SLC28A2: variants seen among roughly 807,000 people sequenced by gnomAD.
SLC28A2 encodes the protein solute carrier family 28 member 2, also known as sodium/nucleoside cotransporter 2.
Under a neutral mutation model 72.9 loss-of-function variants are expected in SLC28A2, and 69 were observed. The ratio of observed to expected loss-of-function variants is 0.95; its 90% CI spans 0.78 to 1.16. The LOEUF (loss-of-function observed/expected upper bound fraction) is 1.16, where lower values mean the gene tolerates loss of function less well. Among genes scored for constraint, SLC28A2 ranks in the 50% most tolerant of loss-of-function variants. SLC28A2 has a pLI of 0.00. For missense variants in SLC28A2, 745 were observed against 791.1 expected, an observed-to-expected ratio of 0.94 and a Z score of 0.70; for synonymous variants, 296 against 294.1, an observed-to-expected ratio of 1.01 and a Z score of -0.07.
Position 45,267,517 on chromosome 15 carries a change from G to A in SLC28A2, c.1005G>A (p.Ala335=), listed in dbSNP as rs200507671. 140 of 1,614,128 alleles carry A rather than the reference G, an allele frequency of 8.7e-5. 1 individual carries two copies. The highest frequency in any genetic ancestry group is 5.3e-4 in the East Asian group (24 of 44,876). The change falls in exon 11 of 18, where the codon GCG becomes GCA. Residue 335 remains alanine, a synonymous_variant. Coordinates refer to ENST00000347644, the MANE Select transcript of SLC28A2 (RefSeq NM_004212.4). ...LGDMTLSEIH[A]VMTGGFATIS... ...ACATGACACTCTCTGAAATCCATGC[G>A]GTGATGACTGGAGGGTTTGCCACCA...
intron 10 of SLC28A2, among the ~76,000 whole-genome samples, chr15:45,266,652 C>T (rs1249537507): frequency 6.6e-6 from 1 of 152,208 alleles, no homozygotes. Context: ...GACTGATCAG[C>T]TCAATGTTGG....
At position 45,276,297 on chromosome 15, in the gene SLC28A2, A is replaced by T. The variant is rs1900753312; in HGVS notation, c.*784A>T. 1 of 152,004 alleles carries T rather than the reference A, an allele frequency of 6.6e-6. No individual in the cohort carries two copies. Among genetic ancestry groups the T allele is most frequent in the South Asian group, 2.1e-4 (1 of 4,814 alleles). 9.4% of individuals were successfully genotyped at this position (152,004 alleles called of 1,614,324 possible). A position where few individuals can be genotyped will look rare whatever the true frequency, so the allele number is the denominator to read the frequency against. On this transcript the variant is annotated 3_prime_UTR_variant, in exon 18 of 18. Transcript: ENST00000347644. ...TTGAACAATGAGAACACATGGACAC[A>T]GGAAGGGGAACATCACACTCTGGGG... is the stretch of plus-strand genomic sequence containing the variant.
chr15:45,270,676 G>C (rs1218967971), intron 15 of SLC28A2, among the ~76,000 whole-genome samples: 1 of 151,920 alleles, frequency 6.6e-6, no homozygotes, highest in African/African-American at 2.4e-5. Flanking sequence ...TGCGCAGGCT[G>C]GAGTGCAGTG....
intron 3 of SLC28A2, among the ~76,000 whole-genome samples, chr15:45,259,189 A>C (rs1293978068): frequency 6.6e-6 from 1 of 152,182 alleles, no homozygotes; most frequent in Admixed American, 6.5e-5. Flanking sequence ...AAATACAAAC[A>C]AGAGTACATT....
intron 15 of SLC28A2, among the ~76,000 whole-genome samples, chr15:45,271,400 G>A (rs893253411): frequency 3.9e-5 from 6 of 151,982 alleles, no homozygotes; most frequent in Admixed American, 1.3e-4. Context: ...CTGTCTCTAC[G>A]AAGAATTTGA....
intron 13 of SLC28A2, 23 bp from the exon 14 acceptor site, chr15:45,269,315 T>C: frequency 6.2e-7 from 1 of 1,604,410 alleles, no homozygotes. Context: ...TTCCTTTTCC[T>C]GTGATATCTC....
chr15:45,267,708 C>G lies in SLC28A2; in HGVS notation c.1111C>G (p.Pro371Ala), dbSNP rs766175933. 2.5e-6 allele frequency: 4 copies of G among 1,614,064 alleles called. No individual in the cohort carries two copies. In the South Asian group the frequency reaches 4.4e-5, roughly 18 times the overall value. ...GATTTCTGCCTCTGTGATGGCCGCC[C>G]CTTGTGCTCTCGCCTCATCAAAGCT... ...SLISASVMAAPCALASSKLAY... is the reference protein window; with the variant it reads ...SLISASVMAAACALASSKLAY... Residue 371 changes from proline to alanine, a missense_variant, in exon 12 of 18, where the codon CCT becomes GCT. By Grantham distance (27) the Pro-to-Ala change is conservative (BLOSUM62 -1). Coordinates refer to ENST00000347644, the MANE Select transcript of SLC28A2 (RefSeq NM_004212.4).
chr15:45,272,961 G>C (rs112880048), intron 17 of SLC28A2, among the ~76,000 whole-genome samples, 177 bp downstream of exon 17: 2 of 152,110 alleles, frequency 1.3e-5, no homozygotes, highest in Admixed American at 6.5e-5. Context: ...CCAGCGACAG[G>C]GTCTACCTGT....
Position 45,253,450 on chromosome 15 carries a change from G to A in SLC28A2, c.100G>A (p.Glu34Lys). The A allele has an allele frequency of 6.2e-7, 1 of 1,613,898 alleles. No homozygotes were observed. Among genetic ancestry groups the A allele is most frequent in the Non-Finnish European group, 8.5e-7 (1 of 1,179,766 alleles). Residue 34 changes from glutamate to lysine, a missense_variant, in exon 3 of 18, where the codon GAG (glutamate) becomes AAG (lysine). By Grantham distance (56) the Glu-to-Lys change is moderately conservative. Transcript: ENST00000347644. ...LELMEKEVEP[E>K]GSKRTDAQGH... ...CTTGTAGGAAAAAGAAGTAGAGCCT[G>A]AGGGAAGCAAGAGGACTGACGCACA...
At position 45,253,241 on chromosome 15, in the gene SLC28A2, C is replaced by T. The variant is rs775908283; in HGVS notation, c.26C>T (p.Ser9Phe). ...ATGGAGAAAGCAAGTGGAAGACAGT[C>T]CATTGCTCTGTCCACAGTGGAGACT... MEKASGRQ[S>F]IALSTVETGT... The change falls in exon 2 of 18, where the codon TCC (serine) becomes TTC (phenylalanine). Residue 9 changes from serine to phenylalanine, a missense_variant. Ser to Phe is a radical substitution (Grantham distance 155). Transcript: ENST00000347644. 1 of 1,613,340 alleles carries T rather than the reference C, an allele frequency of 6.2e-7. No individual in the cohort carries two copies. Among genetic ancestry groups the T allele is most frequent in the South Asian group, 1.1e-5 (1 of 90,986 alleles).
Position 45,253,537 on chromosome 15 carries a change from A to G in SLC28A2, c.170+17A>G. ...TTACCAGAGGTACTGGTGTTTTGGA[A>G]TCTTGTTCAGTTAGGAAAGGATCTA... is the stretch of plus-strand genomic sequence containing the variant. On this transcript the variant is annotated intron_variant, in intron 3 of 17. Coordinates refer to ENST00000347644, the MANE Select transcript of SLC28A2 (RefSeq NM_004212.4). The G allele has an allele frequency of 6.3e-6, 10 of 1,582,674 alleles. No individual in the cohort carries two copies. Among genetic ancestry groups the G allele is most frequent in the Non-Finnish European group, 8.7e-6 (10 of 1,153,054 alleles).
At chr15:45,253,551 G>C (rs771163390) in intron 3 of SLC28A2, 31 bp downstream of exon 3, 2 of 1,511,090 alleles carry the variant, frequency 1.3e-6, no homozygotes, top group Non-Finnish European at 1.8e-6. Context: ...TGTTCAGTTA[G>C]GAAAGGATCT....
Position 45,275,544 on chromosome 15 carries a change from G to A in SLC28A2, c.*31G>A. On this transcript the variant is annotated 3_prime_UTR_variant, in exon 18 of 18. Coordinates refer to ENST00000347644, the MANE Select transcript of SLC28A2 (RefSeq NM_004212.4). ...CTTGATCTATTTCTATAACAGTTTTGATCTTAAAAGCTTTGTGATTGCAAA... is the reference window on the plus strand; with the variant it reads ...CTTGATCTATTTCTATAACAGTTTTAATCTTAAAAGCTTTGTGATTGCAAA... The A allele has an allele frequency of 7.2e-7, 1 of 1,394,120 alleles. No individual in the cohort carries two copies. The highest frequency in any genetic ancestry group is 1.0e-6 in the Non-Finnish European group (1 of 984,562). The allele number at this position is 1,394,120 out of a possible 1,614,324, so 86.4% of individuals were successfully genotyped here.
At chr15:45,272,164 T>A (rs1900592775) in intron 15 of SLC28A2, 131 bp from the exon 16 acceptor site, 1 of 671,244 alleles carries the variant, frequency 1.5e-6, no homozygotes. Flanking sequence ...CAGTCTCAGG[T>A]GGATGGTAAT....
intron 3 of SLC28A2, among the ~76,000 whole-genome samples, chr15:45,257,404 G>A (rs4533219): frequency 0.47 from 71,993 of 151,978 alleles, 20,723 homozygotes; most frequent in Non-Finnish European, 0.67. Flanking sequence ...ATACATTGAG[G>A]GCAAGATCAA....
chr15:45,262,111 G>T lies in SLC28A2; in HGVS notation c.262+5G>T. On this transcript the variant is annotated splice_donor_5th_base_variant and intron_variant, in intron 4 of 17. Coordinates refer to ENST00000347644, the MANE Select transcript of SLC28A2 (RefSeq NM_004212.4). ...TGTTGGGCCTGTTGTGTTTGGGTGA[G>T]ATATTGAGAATTCATGAAAGTGAGA... 6.3e-7 allele frequency: 1 copy of T among 1,585,336 alleles called. No homozygotes were observed. The highest frequency in any genetic ancestry group is 1.1e-5 in the South Asian group (1 of 89,892).
intron 3 of SLC28A2, chr15:45,255,292 T>C (rs1000645898): frequency 4.6e-5 from 7 of 151,390 alleles, no homozygotes; most frequent in African/African-American, 1.7e-4. Flanking sequence ...TGTCCACATG[T>C]AGTTTTGCAA....
Position 45,275,609 on chromosome 15 carries a change from A to C in SLC28A2, c.*96A>C, listed in dbSNP as rs1264563691. 2.6e-6 allele frequency: 2 copies of C among 756,628 alleles called. No homozygotes were observed. Among genetic ancestry groups the C allele is most frequent in the Non-Finnish European group, 4.6e-6 (2 of 433,576 alleles). 46.9% of individuals were successfully genotyped at this position (756,628 alleles called of 1,614,324 possible). On this transcript the variant is annotated 3_prime_UTR_variant, in exon 18 of 18. Coordinates refer to ENST00000347644, the MANE Select transcript of SLC28A2 (RefSeq NM_004212.4). ...CAGGGTGCCCACAACTCACTCACCA[A>C]GATGTTTAACAGTAAGTAACAGTAA...
chr15:45,267,353 T>C, intron 10 of SLC28A2, 102 bp from the exon 11 acceptor site: 3 of 1,254,914 alleles, frequency 2.4e-6, no homozygotes, highest in Non-Finnish European at 3.4e-6. Flanking sequence ...TCACACTGGA[T>C]GGATGTGTAT....
Sources: allele counts gnomAD v4.1 joint callset (sites outside exome capture counted in the v4.1 genomes callset), GRCh38; gene constraint gnomAD v4.1.1; transcripts MANE v1.5; gene names NCBI Gene and HGNC (gene_info 2026-07-23, HGNC 2026-07-21).